The following FRYL variants were observed in gnomAD, a reference collection of about 807,000 sequenced individuals.
FRYL encodes the protein protein furry homolog-like.
FRYL carries 150 observed loss-of-function variants against 351.2 expected under a neutral mutation model. The observed-to-expected ratio is 0.43, with a 90% CI of 0.37 to 0.49. The LOEUF is 0.49. Among genes scored for constraint, FRYL ranks in the 20% least tolerant of loss-of-function variants. The pLI, the probability that FRYL is intolerant of heterozygous loss-of-function variation, is 0.00. For synonymous variants in FRYL, 1,153 were observed against 1,257.1 expected (o/e 0.92, Z 1.75); for missense variants, 3,036 against 3,619.3 (o/e 0.84, Z 4.13).
At chr4:48,605,630 T>C in intron 11 of FRYL, 111 bp downstream of exon 11, 1 of 724,524 alleles carries the variant, frequency 1.4e-6, no homozygotes, top group Non-Finnish European at 2.4e-6. Context: ...AGCCTTCCCA[T>C]GGCCACAGCT....
intron 1 of FRYL, among the ~76,000 whole-genome samples, chr4:48,749,356 T>C (rs1469929552): frequency 6.6e-6 from 1 of 152,176 alleles, no homozygotes; most frequent in Non-Finnish European, 1.5e-5. Context: ...TCTGTTCCCG[T>C]GGAAACCATA....
chr4:48,701,533 A>C (rs1036035377), intron 2 of FRYL, among the ~76,000 whole-genome samples: 1 of 152,232 alleles, frequency 6.6e-6, no homozygotes, highest in African/African-American at 2.4e-5. Flanking sequence ...GGATTTTTAA[A>C]AAGAGAGTAT....
chr4:48,580,974 C>CTTT, intron 21 of FRYL, 23 bp from the exon 22 acceptor site: 4 of 1,502,514 alleles, frequency 2.7e-6, no homozygotes, highest in Non-Finnish European at 2.7e-6. Flanking sequence ...CATCATATGT[C>CTTT]TAAAAAAATT....
At chr4:48,598,070 C>T (rs1185023473) in intron 13 of FRYL, among the ~76,000 whole-genome samples, 1 of 151,858 alleles carries the variant, frequency 6.6e-6, no homozygotes, top group South Asian at 2.1e-4. Flanking sequence ...CTCTTTTTTT[C>T]TACTGTGAAC....
chr4:48,573,696 T>C (rs1204807501), intron 25 of FRYL, among the ~76,000 whole-genome samples: 1 of 152,026 alleles, frequency 6.6e-6, no homozygotes, highest in Non-Finnish European at 1.5e-5. Flanking sequence ...ATTACAGGCA[T>C]GCACCACTAT....
intron 49 of FRYL, among the ~76,000 whole-genome samples, chr4:48,532,269 C>T (rs545019914): frequency 6.6e-6 from 1 of 152,240 alleles, no homozygotes; most frequent in African/African-American, 2.4e-5. Context: ...CAATTGAGTT[C>T]ATAACATCTT....
rs1416374540 is a variant in FRYL, at chr4:48,716,454, A to G, written c.-383-5756T>C. Among the ~76,000 whole-genome samples the G allele has an allele frequency of 6.6e-5, 10 of 151,642 alleles. 1 individual carries two copies. The highest frequency in any genetic ancestry group is 1.5e-4 in the Non-Finnish European group (10 of 67,876). On this transcript the variant is annotated intron_variant, in intron 1 of 63. Coordinates refer to ENST00000358350, the MANE Select transcript of FRYL (RefSeq NM_015030.2). ...GAAAAAAACAAACAACCCCGTCAGA[A>G]AGTGGGCGAAGGACATGAACAGACA... is the stretch of plus-strand genomic sequence containing the variant.
At chr4:48,575,958 G>T in intron 24 of FRYL, 72 bp downstream of exon 24, 2 of 1,261,188 alleles carry the variant, frequency 1.6e-6, no homozygotes, top group Non-Finnish European at 2.1e-6. Flanking sequence ...TCCATAAAAA[G>T]AAATTTTAAA....
At chr4:48,754,271 A>G (rs2149670680) in intron 1 of FRYL, among the ~76,000 whole-genome samples, 1 of 152,278 alleles carries the variant, frequency 6.6e-6, no homozygotes, top group Non-Finnish European at 1.5e-5. Context: ...GCATCATACA[A>G]TATGTGATTT....
chr4:48,697,833 T>C (rs1766345086), intron 2 of FRYL, among the ~76,000 whole-genome samples: 1 of 152,160 alleles, frequency 6.6e-6, no homozygotes, highest in African/African-American at 2.4e-5. Context: ...GAATTTGCAT[T>C]GGCAAAGAAG....
Position 48,623,135 on chromosome 4 carries a change from C to T in FRYL, c.165G>A (p.Gln55=). The change falls in exon 5 of 64, where the codon CAG becomes CAA. Residue 55 remains glutamine, a synonymous_variant. Coordinates refer to ENST00000358350, the MANE Select transcript of FRYL (RefSeq NM_015030.2). ...SRSLQRGEDL[Q]FDQLISSMSS... is the part of the protein sequence containing the mutation. Reference sequence around the variant, plus strand: ...CCCAAAATTGTCATACCTGATCAAACTGAAGATCTTCACCCCTCTGAAGAG... The same window carrying T: ...CCCAAAATTGTCATACCTGATCAAATTGAAGATCTTCACCCCTCTGAAGAG... 6.3e-7 allele frequency: 1 copy of T among 1,579,894 alleles called. No homozygotes were observed. Among genetic ancestry groups the T allele is most frequent in the Non-Finnish European group, 8.6e-7 (1 of 1,163,258 alleles).
Position 48,499,000 on chromosome 4 carries a change from T to C in FRYL, c.*422A>G. The C allele has an allele frequency of 5.5e-6, 1 of 180,390 alleles. No homozygotes were observed. Among genetic ancestry groups the C allele is most frequent in the East Asian group, 1.5e-4 (1 of 6,454 alleles). The allele number at this position is 180,390 out of a possible 1,614,324, so 11.2% of individuals were successfully genotyped here. On this transcript the variant is annotated 3_prime_UTR_variant, in exon 64 of 64. Coordinates refer to ENST00000358350, the MANE Select transcript of FRYL (RefSeq NM_015030.2). ...AGGTTAGGTTTTCAACTGCTAGAAA[T>C]CCAAGCAGCTTTGCAGGTCTTCAGC... is the stretch of plus-strand genomic sequence containing the variant.
intron 2 of FRYL, among the ~76,000 whole-genome samples, chr4:48,700,574 G>C (rs1001059400): frequency 1.3e-5 from 2 of 152,034 alleles, no homozygotes; most frequent in Middle Eastern, 3.2e-3. Flanking sequence ...GGCTGAGGTG[G>C]GAGGATCACT....
Position 48,563,985 on chromosome 4 carries a change from C to G in FRYL, c.3559G>C (p.Gly1187Arg). ...ACATTAGCAATGGCTTTAAAGCAGC[C>G]GGCCGCCACCCTCCCGGAGCCCGTG... ...CYTGSGRVAA[G>R]CFKAIANVFQ... Residue 1187 changes from glycine to arginine, a missense_variant, in exon 31 of 64, where the codon GGC (glycine) becomes CGC (arginine). Physicochemically the swap from Gly to Arg is moderately radical, Grantham distance 125 (BLOSUM62 -2). This residue lies in a region of FRYL where 1,987 missense variants were observed against 2,311.7 expected (regional missense o/e 0.86). Coordinates refer to ENST00000358350, the MANE Select transcript of FRYL (RefSeq NM_015030.2). 1 of 1,613,996 alleles carries G rather than the reference C, an allele frequency of 6.2e-7. No individual in the cohort carries two copies. The highest frequency in any genetic ancestry group is 1.1e-5 in the South Asian group (1 of 91,068).
intron 48 of FRYL, 59 bp downstream of exon 48, chr4:48,535,598 C>CACAT (rs1163080257): frequency 1.0e-6 from 1 of 977,598 alleles, no homozygotes; most frequent in Non-Finnish European, 1.4e-6. Flanking sequence ...CACACACACA[C>CACAT]ACACACACAC....
Position 48,499,347 on chromosome 4 carries a change from G to C in FRYL, c.*75C>G. 5 of 1,288,792 alleles carry C rather than the reference G, an allele frequency of 3.9e-6. No individual in the cohort carries two copies. The highest frequency in any genetic ancestry group is 5.5e-6 in the Non-Finnish European group (5 of 901,128). The allele number at this position is 1,288,792 out of a possible 1,614,324, so 79.8% of individuals were successfully genotyped here. ...GCCAGAAAGTTATCAGTGAATGCAA[G>C]GGTCCATAAAAGGTGCTTGGTTAAT... On this transcript the variant is annotated 3_prime_UTR_variant, in exon 64 of 64. Transcript: ENST00000358350.
At chr4:48,683,568 T>C (rs1224393340) in intron 3 of FRYL, among the ~76,000 whole-genome samples, 4 of 152,094 alleles carry the variant, frequency 2.6e-5, no homozygotes, top group South Asian at 2.1e-4. Flanking sequence ...AGCATTAATA[T>C]AGTATTAAGG....
At chr4:48,739,347 G>A (rs1393530567) in intron 1 of FRYL, among the ~76,000 whole-genome samples, 3 of 145,056 alleles carry the variant, frequency 2.1e-5, no homozygotes, top group African/African-American at 7.6e-5. Flanking sequence ...GCAGAAGTGA[G>A]CCAAGATTGT....
At chr4:48,580,580 G>A (rs1035007594) in intron 22 of FRYL, 4 of 354,128 alleles carry the variant, frequency 1.1e-5, no homozygotes, top group Non-Finnish European at 1.5e-5. Context: ...AAGAGCAAAC[G>A]GTAGCATAAA....
Sources: gnomAD v4.1 joint callset for allele counts (sites outside exome capture counted in the v4.1 genomes callset) on GRCh38, gnomAD v4.1.1 for gene constraint, gnomAD v4.1.1 regional missense constraint, MANE v1.5 for transcripts, NCBI Gene and HGNC (gene_info 2026-07-23, HGNC 2026-07-21) for gene names.